Variants in CFHR5 observed in about 807,000 individuals in gnomAD.
CFHR5 encodes complement factor H-related protein 5.
Under a neutral mutation model 62.9 loss-of-function variants are expected in CFHR5, and 73 were observed. The observed-to-expected ratio is 1.16, with a 90% CI of 0.96 to 1.41. The LOEUF (loss-of-function observed/expected upper bound fraction) is 1.41, where lower values mean the gene tolerates loss of function less well. Ranked by LOEUF, CFHR5 falls within the 40% of genes most tolerant of loss-of-function variation. The pLI, the probability that CFHR5 is intolerant of heterozygous loss-of-function variation, is 0.00. For synonymous variants in CFHR5, 249 were observed against 227.2 expected (o/e 1.10, Z -0.86); for missense variants, 779 against 679.9 (o/e 1.15, Z -1.62).
At chr1:196,981,987 G>A (rs1012360454) in intron 1 of CFHR5, among the ~76,000 whole-genome samples, 1 of 149,578 alleles carries the variant, frequency 6.7e-6, no homozygotes, top group Non-Finnish European at 1.5e-5. Context: ...ATTTTATCTC[G>A]GTTGAGTTGT....
intron 3 of CFHR5, among the ~76,000 whole-genome samples, chr1:196,990,412 T>A (rs1653813246): frequency 6.6e-6 from 1 of 152,156 alleles, no homozygotes; most frequent in East Asian, 1.9e-4. Context: ...ATCCTGTTAT[T>A]GTGATGTTAG....
chr1:197,005,068 G>A (rs1654252955), intron 9 of CFHR5, among the ~76,000 whole-genome samples: 1 of 152,018 alleles, frequency 6.6e-6, no homozygotes, highest in African/African-American at 2.4e-5. Context: ...ATGTGATAAG[G>A]TGCATTATGA....
chr1:197,007,728 A>G (rs1029114953), intron 9 of CFHR5, among the ~76,000 whole-genome samples: 6 of 147,656 alleles, frequency 4.1e-5, no homozygotes, highest in Non-Finnish European at 7.4e-5. Context: ...CACATGATAC[A>G]TATACATACA....
At position 197,009,072 on chromosome 1, in the gene CFHR5, A is replaced by G. The variant is rs2125042048; in HGVS notation, c.*389A>G. The G allele has an allele frequency of 5.8e-6, 1 of 171,420 alleles. No individual in the cohort carries two copies. Among genetic ancestry groups the G allele is most frequent in the African/African-American group, 2.4e-5 (1 of 41,606 alleles). 10.6% of individuals were successfully genotyped at this position (171,420 alleles called of 1,614,324 possible). A position where few individuals can be genotyped will look rare whatever the true frequency, so the allele number is the denominator to read the frequency against. On this transcript the variant is annotated 3_prime_UTR_variant, in exon 10 of 10. Coordinates refer to ENST00000256785, the MANE Select transcript of CFHR5 (RefSeq NM_030787.4). ...GGTGGAAGGGATCACGTGGCAAAAG[A>G]GCATGTACATGGGAGTGAGAGAAAA...
At position 196,982,898 on chromosome 1, in the gene CFHR5, T is replaced by C; in HGVS notation, c.72T>C (p.Asp24=). The C allele has an allele frequency of 5.0e-6, 8 of 1,614,020 alleles. No homozygotes were observed. Among genetic ancestry groups the C allele is most frequent in the Non-Finnish European group, 6.8e-6 (8 of 1,179,922 alleles). ...TATTTTTCCCAGGAACACTTTGTGA[T>C]TTTCCAAAAATACACCATGGATTTC... ...STVGGEGTLC[D]FPKIHHGFLY... Residue 24 remains aspartate (D), a synonymous_variant, in exon 2 of 10, where the codon GAT becomes GAC. Coordinates refer to ENST00000256785, the MANE Select transcript of CFHR5 (RefSeq NM_030787.4).
At chr1:197,006,749 A>G (rs961162529) in intron 9 of CFHR5, among the ~76,000 whole-genome samples, 5 of 152,024 alleles carry the variant, frequency 3.3e-5, no homozygotes, top group Non-Finnish European at 7.4e-5. Flanking sequence ...AAAACCAGAC[A>G]TAAATTTATT....
At position 196,996,071 on chromosome 1, in the gene CFHR5, T is replaced by G; in HGVS notation, c.840T>G (p.Val280=). The G allele has an allele frequency of 6.2e-7, 1 of 1,613,948 alleles. No homozygotes were observed. The highest frequency in any genetic ancestry group is 8.5e-7 in the Non-Finnish European group (1 of 1,179,864). Residue 280 remains valine (V), a synonymous_variant, in exon 6 of 10, where the codon GTT becomes GTG. Coordinates refer to ENST00000256785, the MANE Select transcript of CFHR5 (RefSeq NM_030787.4). Reference sequence around the variant, plus strand: ...TACCTGAACTCGAGTACGGTTATGTTCAGCCGTCTGTCCCTCCCTATCAAC... The same window carrying G: ...TACCTGAACTCGAGTACGGTTATGTGCAGCCGTCTGTCCCTCCCTATCAAC... ...GYIPELEYGY[V]QPSVPPYQHG...
intron 3 of CFHR5, among the ~76,000 whole-genome samples, chr1:196,991,722 A>G (rs931541730): frequency 6.6e-6 from 1 of 152,102 alleles, no homozygotes; most frequent in African/African-American, 2.4e-5. Context: ...ATATTGCAGA[A>G]CAGCAAATAT....
chr1:197,004,661 A>G lies in CFHR5; in HGVS notation c.1331A>G (p.Glu444Gly), dbSNP rs1483542709. The G allele has an allele frequency of 2.5e-6, 4 of 1,611,816 alleles. No individual in the cohort carries two copies. The South Asian group carries it at 4.4e-5, about 18-fold the overall frequency. ...GRWQSLPRCV[E>G]STAYCGPPPS... ...TCAACAAATAAATGCTGTTTTCCAG[A>G]GTCTACTGCATATTGTGGGCCCCCT... The change falls in exon 9 of 10, where the codon GAG becomes GGG. Residue 444 changes from glutamate to glycine, a missense_variant and splice_region_variant. Coordinates refer to ENST00000256785, the MANE Select transcript of CFHR5 (RefSeq NM_030787.4).
rs370641856 is a variant in CFHR5 at position 196,983,004 on chromosome 1, G to C, written c.178G>C (p.Val60Leu). 9.0e-5 allele frequency: 145 copies of C among 1,613,904 alleles called. No homozygotes were observed. The highest frequency in any genetic ancestry group is 1.2e-4 in the Non-Finnish European group (143 of 1,180,020). Reference protein sequence around the residue: ...VFYYSCEYNFVSPSKSFWTRI... With the variant: ...VFYYSCEYNFLSPSKSFWTRI... Reference sequence around the variant, plus strand: ...CTATTACTCCTGTGAATATAATTTTGTGTCTCCTTCAAAATCCTTTTGGAC... The same window carrying C: ...CTATTACTCCTGTGAATATAATTTTCTGTCTCCTTCAAAATCCTTTTGGAC... The change falls in exon 2 of 10, where the codon GTG becomes CTG. Residue 60 changes from valine to leucine, a missense_variant. Val to Leu is a conservative substitution (Grantham distance 32). Coordinates refer to ENST00000256785, the MANE Select transcript of CFHR5 (RefSeq NM_030787.4).
chr1:196,978,184 T>C (rs1170880), intron 1 of CFHR5, among the ~76,000 whole-genome samples: 27,639 of 152,122 alleles, frequency 0.18, 4,332 homozygotes, highest in African/African-American at 0.43. Flanking sequence ...AGCCTAATTA[T>C]CATTCAACAG....
chr1:196,983,913 T>C, intron 2 of CFHR5, 48 bp from the exon 3 acceptor site: 1 of 1,337,752 alleles, frequency 7.5e-7, no homozygotes, highest in Non-Finnish European at 1.1e-6. Context: ...TTAAATGCAC[T>C]TTTTTTGCTA....
At chr1:197,006,278 A>G (rs1654284891) in intron 9 of CFHR5, among the ~76,000 whole-genome samples, 1 of 151,858 alleles carries the variant, frequency 6.6e-6, no homozygotes, top group South Asian at 2.1e-4. Flanking sequence ...AAACACAAAC[A>G]CACAATCACG....
intron 7 of CFHR5, among the ~76,000 whole-genome samples, chr1:197,000,572 T>C (rs973914516): frequency 4.6e-5 from 7 of 152,190 alleles, no homozygotes; most frequent in Admixed American, 1.3e-4. Flanking sequence ...GTTGGGACTT[T>C]GTTGATGAAA....
Position 196,977,617 on chromosome 1 carries a change from C to A in CFHR5, c.-48C>A. On this transcript the variant is annotated 5_prime_UTR_variant, in exon 1 of 10. Coordinates refer to ENST00000256785, the MANE Select transcript of CFHR5 (RefSeq NM_030787.4). ...AATGAAAGCAGATTTAAAGCAACAC[C>A]ACCATCACTGGAGTATTTTTAGTTA... The A allele has an allele frequency of 7.0e-7, 1 of 1,423,854 alleles. No homozygotes were observed. Among genetic ancestry groups the A allele is most frequent in the South Asian group, 1.1e-5 (1 of 87,068 alleles). 88.2% of individuals were successfully genotyped at this position (1,423,854 alleles called of 1,614,324 possible). A position where few individuals can be genotyped will look rare whatever the true frequency, so the allele number is the denominator to read the frequency against.
chr1:196,997,412 G>GT (rs1386868719), intron 6 of CFHR5, among the ~76,000 whole-genome samples: 2 of 152,138 alleles, frequency 1.3e-5, no homozygotes, highest in Non-Finnish European at 2.9e-5. Flanking sequence ...GAAAACACCT[G>GT]TAAGCATAGA....
intron 3 of CFHR5, among the ~76,000 whole-genome samples, chr1:196,993,164 T>G (rs912027404): frequency 1.3e-5 from 2 of 152,166 alleles, no homozygotes; most frequent in African/African-American, 4.8e-5. Flanking sequence ...AAGGGAAAGA[T>G]TCAAAAAACC....
intron 7 of CFHR5, among the ~76,000 whole-genome samples, chr1:196,999,722 T>TATATATATACAC (rs1164729053): frequency 3.3e-4 from 38 of 116,148 alleles, no homozygotes; most frequent in African/African-American, 6.6e-4. Flanking sequence ...TATATATATA[T>TATATATATACAC]ACACACACAC....
At chr1:196,981,254 T>C (rs998957272) in intron 1 of CFHR5, among the ~76,000 whole-genome samples, 2 of 152,202 alleles carry the variant, frequency 1.3e-5, no homozygotes, top group Admixed American at 1.3e-4. Flanking sequence ...GCACACTATA[T>C]TGAGGAAATA....
Sources: allele counts gnomAD v4.1 joint callset (sites outside exome capture counted in the v4.1 genomes callset), GRCh38; gene constraint gnomAD v4.1.1; transcripts MANE v1.5; gene names NCBI Gene and HGNC (gene_info 2026-07-23, HGNC 2026-07-21).